Variants in HDAC9 observed in about 807,000 individuals in gnomAD.
HDAC9 encodes histone deacetylase 9.
Under a neutral mutation model 139.4 loss-of-function variants are expected in HDAC9, and 41 were observed. The ratio of observed to expected loss-of-function variants is 0.29; its 90% CI spans 0.23 to 0.38. The LOEUF (loss-of-function observed/expected upper bound fraction) is 0.38. HDAC9 is among the 10% of genes least tolerant of loss of function. The pLI is 1.00. For missense variants in HDAC9, 1,147 were observed against 1,297.0 expected, an observed-to-expected ratio of 0.88 and a Z score of 1.78; for synonymous variants, 517 against 476.2, an observed-to-expected ratio of 1.09 and a Z score of -1.12.
At chr7:18,505,532 A>C (rs1799531272) in intron 2 of HDAC9, among the ~76,000 whole-genome samples, 1 of 152,202 alleles carries the variant, frequency 6.6e-6, no homozygotes, top group Non-Finnish European at 1.5e-5. Flanking sequence ...TGGACAATTT[A>C]GGTGAAAACT....
In HDAC9 at chr7:18,520,879, A is replaced by G. The variant is rs540282249; in HGVS notation, c.22+24555A>G. Reference sequence around the variant, plus strand: ...TAAAATTGAGTTTCCTGCTTTAGCCATAGCTGGGTCTTAAAATAACCTGAA... The same window carrying G: ...TAAAATTGAGTTTCCTGCTTTAGCCGTAGCTGGGTCTTAAAATAACCTGAA... On this transcript the variant is annotated intron_variant, in intron 2 of 25. Transcript: ENST00000686413. Among the ~76,000 whole-genome samples, 7 of 152,316 alleles carry G rather than the reference A, an allele frequency of 4.6e-5. No homozygotes were observed. In the South Asian group the frequency reaches 1.4e-3, roughly 32 times the overall value.
intron 1 of HDAC9, among the ~76,000 whole-genome samples, chr7:18,378,395 G>A (rs980493198): frequency 1.3e-5 from 2 of 151,714 alleles, no homozygotes; most frequent in Non-Finnish European, 2.9e-5. Flanking sequence ...AAAACTTTAT[G>A]TGTATACTTA....
At chr7:18,240,879 C>T (rs1266241374) in intron 2 of HDAC9, among the ~76,000 whole-genome samples, 2 of 152,150 alleles carry the variant, frequency 1.3e-5, no homozygotes, top group Admixed American at 6.5e-5. Flanking sequence ...ATCTCTTCTC[C>T]CAGAAATTTG....
At chr7:18,796,556 A>G (rs10950704) in intron 17 of HDAC9, among the ~76,000 whole-genome samples, 97,762 of 152,092 alleles carry the variant, frequency 0.64, 33,259 homozygotes, top group Non-Finnish European at 0.76. Context: ...AGACTTTCCA[A>G]GTTTTTAAAC....
intron 17 of HDAC9, among the ~76,000 whole-genome samples, chr7:18,797,699 G>T (rs1322104808): frequency 2.0e-5 from 3 of 151,856 alleles, no homozygotes; most frequent in Admixed American, 6.6e-5. Context: ...TGTGTTGGCA[G>T]GCGCCTGTAA....
chr7:18,821,450 C>T (rs888784801), intron 17 of HDAC9, among the ~76,000 whole-genome samples: 4 of 152,134 alleles, frequency 2.6e-5, no homozygotes, highest in African/African-American at 9.7e-5. Flanking sequence ...GAACTAGGAG[C>T]ATAGGCAGAG....
intron 13 of HDAC9, among the ~76,000 whole-genome samples, chr7:18,732,422 ATGTG>A (rs930685811): frequency 6.7e-6 from 1 of 149,236 alleles, no homozygotes; most frequent in African/African-American, 2.6e-5. Context: ...ATCTATGTGC[ATGTG>A]TGTATGTGTC....
intron 22 of HDAC9, among the ~76,000 whole-genome samples, chr7:18,887,576 C>A (rs775171394): frequency 6.6e-6 from 1 of 152,078 alleles, no homozygotes; most frequent in Non-Finnish European, 1.5e-5. Context: ...CAAAATGTGA[C>A]ACTCTACATA....
intron 2 of HDAC9, among the ~76,000 whole-genome samples, chr7:18,526,275 A>C (rs1806884536): frequency 6.6e-6 from 1 of 152,174 alleles, no homozygotes; most frequent in Non-Finnish European, 1.5e-5. Flanking sequence ...CTGATATACA[A>C]GTCTCCCCAT....
chr7:18,374,528 T>C (rs996043965), intron 1 of HDAC9, among the ~76,000 whole-genome samples: 1 of 151,948 alleles, frequency 6.6e-6, no homozygotes, highest in Non-Finnish European at 1.5e-5. Flanking sequence ...TGTAAAACAA[T>C]GGTAAGTATT....
chr7:18,907,475 C>A (rs1802366422), intron 22 of HDAC9, among the ~76,000 whole-genome samples: 1 of 152,204 alleles, frequency 6.6e-6, no homozygotes, highest in Admixed American at 6.5e-5. Context: ...TATCACCTAG[C>A]TTTATTCCTA....
chr7:18,710,498 G>A (rs933841769), intron 12 of HDAC9, among the ~76,000 whole-genome samples: 3 of 151,974 alleles, frequency 2.0e-5, no homozygotes, highest in African/African-American at 7.3e-5. Flanking sequence ...ACACATATAT[G>A]CATACACACA....
At chr7:18,551,647 T>G (rs1186664409) in intron 2 of HDAC9, among the ~76,000 whole-genome samples, 1 of 152,342 alleles carries the variant, frequency 6.6e-6, no homozygotes, top group Non-Finnish European at 1.5e-5. Context: ...TCTTCCTGTA[T>G]CCCTAATTTT....
At chr7:18,619,782 C>T (rs1331767978) in intron 6 of HDAC9, among the ~76,000 whole-genome samples, 1 of 152,154 alleles carries the variant, frequency 6.6e-6, no homozygotes, top group African/African-American at 2.4e-5. Context: ...TTCCTTCCCT[C>T]ACCAGCATAC....
chr7:18,826,575 T>G (rs1318784571), intron 17 of HDAC9, among the ~76,000 whole-genome samples: 1 of 151,928 alleles, frequency 6.6e-6, no homozygotes, highest in Non-Finnish European at 1.5e-5. Flanking sequence ...CCACAAAGGA[T>G]TATGAAGTGA....
chr7:18,362,843 G>C (rs1479450379), intron 1 of HDAC9, among the ~76,000 whole-genome samples: 2 of 152,038 alleles, frequency 1.3e-5, no homozygotes, highest in South Asian at 4.1e-4. Flanking sequence ...TCTGGTTTAC[G>C]TCTTTAAAGG....
At chr7:18,737,247 G>C (rs1787007470) in intron 13 of HDAC9, among the ~76,000 whole-genome samples, 1 of 152,074 alleles carries the variant, frequency 6.6e-6, no homozygotes, top group South Asian at 2.1e-4. Context: ...GTTCTGCTCT[G>C]GTCTTAGTTA....
chr7:18,314,955 C>T (rs1413181023), intron 1 of HDAC9, among the ~76,000 whole-genome samples: 1 of 152,052 alleles, frequency 6.6e-6, no homozygotes, highest in South Asian at 2.1e-4. Flanking sequence ...AAATAAAGAT[C>T]AGTAAGAAAG....
chr7:18,587,429 T>G (rs1354855863), intron 3 of HDAC9, among the ~76,000 whole-genome samples: 1 of 152,174 alleles, frequency 6.6e-6, no homozygotes, highest in Non-Finnish European at 1.5e-5. Context: ...GATTAGGAAG[T>G]TTTTTGATTT....
Sources: allele counts gnomAD v4.1 joint callset (sites outside exome capture counted in the v4.1 genomes callset), GRCh38; gene constraint gnomAD v4.1.1; transcripts MANE v1.5; gene names NCBI Gene and HGNC (gene_info 2026-07-23, HGNC 2026-07-21).